The following ELAVL3 variants were observed in gnomAD, a reference collection of about 807,000 sequenced individuals.
ELAVL3 encodes ELAV like RNA binding protein 3.
In ELAVL3, 8 loss-of-function variants were observed where a neutral mutation model predicts 34.2. The observed-to-expected ratio is 0.23, with a 90% CI of 0.14 to 0.42. The LOEUF is 0.42. Ranked by LOEUF, ELAVL3 falls within the 10% of genes least tolerant of loss-of-function variation. The pLI, the probability that ELAVL3 is intolerant of heterozygous loss-of-function variation, is 1.00. For synonymous variants in ELAVL3, 209 were observed against 222.1 expected (o/e 0.94, Z 0.53); for missense variants, 273 against 518.8 (o/e 0.53, Z 4.60).
intron 1 of ELAVL3, among the ~76,000 whole-genome samples, chr19:11,478,251 G>A (rs1260171118): frequency 2.0e-5 from 3 of 152,198 alleles, no homozygotes; most frequent in African/African-American, 7.2e-5. Flanking sequence ...GTGAAGAGGT[G>A]ACTGGGTGGT....
chr19:11,474,596 G>A (rs961142961), intron 1 of ELAVL3, among the ~76,000 whole-genome samples: 3 of 149,088 alleles, frequency 2.0e-5, no homozygotes, highest in East Asian at 2.1e-4. Flanking sequence ...GTGAGACTCC[G>A]TCTCAAAAAA....
intron 3 of ELAVL3, among the ~76,000 whole-genome samples, chr19:11,461,661 A>C (rs1970888340): frequency 6.6e-6 from 1 of 151,678 alleles, no homozygotes; most frequent in Admixed American, 6.6e-5. Context: ...ACAGTGATGC[A>C]ATCATGGTTC....
chr19:11,452,485 T>A lies in ELAVL3; in HGVS notation c.*2041A>T, dbSNP rs1002684001. ...GTGCCAGTTTATGTCTTTTTTTTTTTTCCTTTTTTTTTTTTAAATCTCTTC... is the reference window on the plus strand; with the variant it reads ...GTGCCAGTTTATGTCTTTTTTTTTTATCCTTTTTTTTTTTTAAATCTCTTC... On this transcript the variant is annotated 3_prime_UTR_variant, in exon 7 of 7. Coordinates refer to ENST00000359227, the MANE Select transcript of ELAVL3 (RefSeq NM_001420.4). The A allele has an allele frequency of 1.3e-5, 2 of 151,606 alleles. No individual in the cohort carries two copies. The highest frequency in any genetic ancestry group is 4.2e-4 in the South Asian group (2 of 4,818). The allele number at this position is 151,606 out of a possible 1,614,324, so 9.4% of individuals were successfully genotyped here. A position where few individuals can be genotyped will look rare whatever the true frequency, so the allele number is the denominator to read the frequency against.
chr19:11,480,833 A>G lies in ELAVL3; in HGVS notation c.-225T>C. The G allele has an allele frequency of 2.6e-6, 1 of 387,978 alleles. No individual in the cohort carries two copies. The highest frequency in any genetic ancestry group is 4.5e-6 in the Non-Finnish European group (1 of 221,246). 24.0% of individuals were successfully genotyped at this position (387,978 alleles called of 1,614,324 possible). A position where few individuals can be genotyped will look rare whatever the true frequency, so the allele number is the denominator to read the frequency against. On this transcript the variant is annotated 5_prime_UTR_variant, in exon 1 of 7. Transcript: ENST00000359227. The surrounding 1 kb of genome is among the most constrained non-coding windows in gnomAD (Gnocchi z 6.8). ...GGCCCCGGGGTGGCCTGCGGGCGGC[A>G]GGGGATGGAAAGAGGGAGCGGGCGC...
At chr19:11,475,620 T>TC (rs1034112571) in intron 1 of ELAVL3, among the ~76,000 whole-genome samples, 2 of 151,028 alleles carry the variant, frequency 1.3e-5, no homozygotes, top group Non-Finnish European at 3.0e-5. Context: ...TACTTTTTTT[T>TC]TTTTTTTTTT....
Position 11,466,934 on chromosome 19 carries a change from G to T in ELAVL3, c.10-107C>A. The stretch of plus-strand genomic sequence containing the variant: ...ATTAGCCATGTCTTATAGGGGCTTC[G>T]TCATGGGGAGGGGTCACTTTATTAT... On this transcript the variant is annotated intron_variant, in intron 1 of 6. Coordinates refer to ENST00000359227, the MANE Select transcript of ELAVL3 (RefSeq NM_001420.4). The surrounding 1 kb of genome is among the most constrained non-coding windows in gnomAD (Gnocchi z 5.0). The T allele has an allele frequency of 1.2e-6, 1 of 840,152 alleles. No individual in the cohort carries two copies. Among genetic ancestry groups the T allele is most frequent in the Non-Finnish European group, 1.8e-6 (1 of 542,952 alleles). The allele number at this position is 840,152 out of a possible 1,614,324, so 52.0% of individuals were successfully genotyped here.
intron 3 of ELAVL3, among the ~76,000 whole-genome samples, chr19:11,461,290 T>A (rs1970878663): frequency 6.6e-6 from 1 of 152,140 alleles, no homozygotes; most frequent in Admixed American, 6.6e-5. Context: ...AAGCAGGGAA[T>A]ATTGTGTGAC....
At chr19:11,478,287 C>A (rs1768346699) in intron 1 of ELAVL3, among the ~76,000 whole-genome samples, 1 of 152,150 alleles carries the variant, frequency 6.6e-6, no homozygotes. Flanking sequence ...TGAGGCCTAG[C>A]CTGCTAATCT....
At chr19:11,474,506 A>C (rs1028250048) in intron 1 of ELAVL3, among the ~76,000 whole-genome samples, 1 of 152,052 alleles carries the variant, frequency 6.6e-6, no homozygotes, top group African/African-American at 2.4e-5. Context: ...CTGAGGCAGA[A>C]TTGCTTGGGA....
chr19:11,462,188 A>AAG (rs1970901953), intron 3 of ELAVL3, among the ~76,000 whole-genome samples: 1 of 151,780 alleles, frequency 6.6e-6, no homozygotes, highest in Non-Finnish European at 1.5e-5. Context: ...AAAAAAAAAA[A>AAG]AAAAGAAATA....
At chr19:11,476,227 A>T (rs1971260675) in intron 1 of ELAVL3, among the ~76,000 whole-genome samples, 1 of 152,072 alleles carries the variant, frequency 6.6e-6, no homozygotes, top group Non-Finnish European at 1.5e-5. Context: ...CTGCCGTTGA[A>T]CATGATGAGA....
At position 11,458,176 on chromosome 19, in the gene ELAVL3, C is replaced by T; in HGVS notation, c.598G>A (p.Val200Ile). ...KPLGAAEPIT[V>I]KFANNPSQKT... ...TGACTTGGGTTGTTCGCGAACTTGA[C>T]TGTGATGGGCTCAGCTGCGCCCAGC... is the stretch of plus-strand genomic sequence containing the variant. The change falls in exon 5 of 7, where the codon GTC (valine) becomes ATC (isoleucine). Residue 200 changes from valine to isoleucine, a missense_variant. This residue lies in a region of ELAVL3 where 102 missense variants were observed against 250.1 expected (regional missense o/e 0.41). Transcript: ENST00000359227. The surrounding 1 kb of genome is among the most constrained non-coding windows in gnomAD (Gnocchi z 7.3). 1 of 1,614,196 alleles carries T rather than the reference C, an allele frequency of 6.2e-7. No homozygotes were observed. The highest frequency in any genetic ancestry group is 8.5e-7 in the Non-Finnish European group (1 of 1,180,046).
intron 1 of ELAVL3, among the ~76,000 whole-genome samples, chr19:11,467,748 T>C (rs1259562765): frequency 6.6e-6 from 1 of 151,912 alleles, no homozygotes; most frequent in Non-Finnish European, 1.5e-5. Flanking sequence ...CCTCCCAATG[T>C]GCTGGGATTA....
intron 1 of ELAVL3, among the ~76,000 whole-genome samples, chr19:11,467,471 C>CACTT (rs112187028): frequency 0.11 from 16,576 of 151,838 alleles, 2,685 homozygotes; most frequent in African/African-American, 0.35. Context: ...GTAAATCTAA[C>CACTT]AGTAGCTTTC....
At chr19:11,472,777 A>C (rs922603025) in intron 1 of ELAVL3, among the ~76,000 whole-genome samples, 2 of 151,984 alleles carry the variant, frequency 1.3e-5, no homozygotes, top group Non-Finnish European at 2.9e-5. Flanking sequence ...GAGAAGGAGA[A>C]GAAGAAGCCA....
rs1309907262 is a variant in ELAVL3, at chr19:11,464,137, C to CTT, written c.333+2034_333+2035insAA. ...TGTCTCTCTCTGTCTCTCTCTCTCT[C>CTT]TCTCTCTCTCTCTCTATATATATAT... On this transcript the variant is annotated intron_variant, in intron 3 of 6. Coordinates refer to ENST00000359227, the MANE Select transcript of ELAVL3 (RefSeq NM_001420.4). Among the ~76,000 whole-genome samples the CTT allele has an allele frequency of 8.1e-3, 748 of 92,734 alleles. 5 individuals are homozygous for CTT. Among genetic ancestry groups the CTT allele is most frequent in the South Asian group, 0.027 (83 of 3,080 alleles). The allele number at this position is 92,734 out of a possible 152,430, so 60.8% of individuals were successfully genotyped here.
chr19:11,468,087 G>A (rs1971092220), intron 1 of ELAVL3, among the ~76,000 whole-genome samples: 2 of 152,254 alleles, frequency 1.3e-5, no homozygotes, highest in African/African-American at 4.8e-5. Flanking sequence ...ACTATGCCTG[G>A]CCCTTTTAGT....
chr19:11,461,968 G>A (rs546367911), intron 3 of ELAVL3, among the ~76,000 whole-genome samples: 16 of 152,216 alleles, frequency 1.1e-4, no homozygotes, highest in African/African-American at 3.6e-4. Context: ...AAGGTCAGGA[G>A]ATCAAGACCA....
At chr19:11,460,550 A>G (rs922638933) in intron 3 of ELAVL3, among the ~76,000 whole-genome samples, 39 of 151,658 alleles carry the variant, frequency 2.6e-4, no homozygotes, top group Non-Finnish European at 5.7e-4. Flanking sequence ...TCCTGCCCCA[A>G]TTACTGTGTT....
Sources: allele counts gnomAD v4.1 joint callset (sites outside exome capture counted in the v4.1 genomes callset), GRCh38; gene constraint gnomAD v4.1.1; regional missense constraint gnomAD v4.1.1; non-coding constraint Gnocchi (gnomAD v3.1); transcripts MANE v1.5; gene names NCBI Gene and HGNC (gene_info 2026-07-23, HGNC 2026-07-21).